DNM2: variants seen among roughly 807,000 people sequenced by gnomAD.
DNM2 encodes dynamin-2.
A neutral mutation model predicts 99.0 loss-of-function variants in DNM2; 15 were observed. The ratio of observed to expected loss-of-function variants is 0.15; its 90% CI spans 0.10 to 0.23. The LOEUF is 0.23. Among genes scored for constraint, DNM2 ranks in the 10% least tolerant of loss-of-function variants. The probability of loss-of-function intolerance (pLI) is 1.00; values close to 1 mark genes in which losing one functional copy is unlikely to be tolerated. For synonymous variants in DNM2, 525 were observed against 481.2 expected (o/e 1.09, Z -1.19); for missense variants, 742 against 1,189.4 (o/e 0.62, Z 5.53).
intron 1 of DNM2, among the ~76,000 whole-genome samples, chr19:10,719,067 C>T (rs1175117697): frequency 6.6e-6 from 1 of 152,136 alleles, no homozygotes; most frequent in Non-Finnish European, 1.5e-5. Context: ...GGCTAGCTGA[C>T]TCCTAGGGGA....
chr19:10,771,614 G>A (rs1008487707), intron 2 of DNM2, among the ~76,000 whole-genome samples: 6 of 152,154 alleles, frequency 3.9e-5, no homozygotes, highest in Non-Finnish European at 7.3e-5. Context: ...GAGCTGGAAT[G>A]TGCTGGTGGA....
chr19:10,740,634 T>C (rs1188638585), intron 1 of DNM2, among the ~76,000 whole-genome samples: 2 of 152,160 alleles, frequency 1.3e-5, no homozygotes, highest in Admixed American at 6.5e-5. Flanking sequence ...CCTCGGCCTC[T>C]TAAAAGTGTG....
At chr19:10,781,276 G>A (rs2071360810) in intron 5 of DNM2, 2 of 152,210 alleles carry the variant, frequency 1.3e-5, no homozygotes, top group Admixed American at 1.3e-4. Context: ...CACAGGTGAT[G>A]GTGACTCTGG....
At chr19:10,719,155 TTCTG>T (rs1314540963) in intron 1 of DNM2, among the ~76,000 whole-genome samples, 1 of 151,968 alleles carries the variant, frequency 6.6e-6, no homozygotes, top group Non-Finnish European at 1.5e-5. Context: ...GTGTGAATTC[TTCTG>T]TCTGTCTGGC....
In DNM2 at chr19:10,786,597, G is replaced by T; in HGVS notation, c.883G>T (p.Ala295Ser). 1 of 1,614,124 alleles carries T rather than the reference G, an allele frequency of 6.2e-7. No individual in the cohort carries two copies. Among genetic ancestry groups the T allele is most frequent in the Non-Finnish European group, 8.5e-7 (1 of 1,180,030 alleles). ...CAACCACATCCGGGAGTCGCTGCCG[G>T]CCCTACGTAGCAAACTACAGAGCCA... ...LTNHIRESLP[A>S]LRSKLQSQLL... The change falls in exon 7 of 21, where the codon GCC becomes TCC. Residue 295 changes from alanine to serine, a missense_variant. Coordinates refer to ENST00000389253, the MANE Select transcript of DNM2 (RefSeq NM_001005361.3).
intron 1 of DNM2, among the ~76,000 whole-genome samples, chr19:10,731,110 G>A (rs2069298591): frequency 6.6e-6 from 1 of 152,134 alleles, no homozygotes; most frequent in South Asian, 2.1e-4. Context: ...CCCAGCCAGG[G>A]TGACCCTGCC....
intron 1 of DNM2, among the ~76,000 whole-genome samples, chr19:10,720,037 G>C (rs1316569094): frequency 6.6e-6 from 1 of 150,458 alleles, no homozygotes; most frequent in African/African-American, 2.5e-5. Context: ...CTGGACTGTG[G>C]TGTGGGCCCC....
chr19:10,784,600 T>C (rs1049673785), intron 6 of DNM2, among the ~76,000 whole-genome samples: 2 of 152,024 alleles, frequency 1.3e-5, no homozygotes, highest in Admixed American at 1.3e-4. Context: ...TTAAGTGCCC[T>C]AGTATCCTGT....
chr19:10,760,827 A>ATCTTTTTTTTTTTTT (rs1663854487), intron 2 of DNM2, among the ~76,000 whole-genome samples: 1 of 41,260 alleles, frequency 2.4e-5, no homozygotes, highest in Non-Finnish European at 4.1e-5. Flanking sequence ...CACCCAGCTG[A>ATCTTTTTTTTTTTTT]TTTTTTTTTT....
At position 10,795,243 on chromosome 19, in the gene DNM2, AT is replaced by A. The variant is rs2063882348; in HGVS notation, c.1129-125del. 2 of 884,730 alleles carry A rather than the reference AT, an allele frequency of 2.3e-6. No homozygotes were observed. Among genetic ancestry groups the A allele is most frequent in the Non-Finnish European group, 1.8e-6 (1 of 541,758 alleles). The allele number at this position is 884,730 out of a possible 1,614,324, so 54.8% of individuals were successfully genotyped here. A position where few individuals can be genotyped will look rare whatever the true frequency, so the allele number is the denominator to read the frequency against. ...GCCAGTTTTCAATTTTTTAAATAAA[AT>A]TTTGACGAGTTAAATATTCTGCCTT... On this transcript the variant is annotated intron_variant, in intron 8 of 20. Coordinates refer to ENST00000389253, the MANE Select transcript of DNM2 (RefSeq NM_001005361.3). This position sits in a 1 kb window ranked among gnomAD's most constrained non-coding sequence, Gnocchi z 4.2.
chr19:10,813,885 G>A (rs1290474089), intron 15 of DNM2, among the ~76,000 whole-genome samples: 1 of 152,010 alleles, frequency 6.6e-6, no homozygotes, highest in Non-Finnish European at 1.5e-5. Flanking sequence ...ATTGTTGGCT[G>A]GGCACAGTGG....
At chr19:10,815,868 C>A (rs2072720443) in intron 15 of DNM2, among the ~76,000 whole-genome samples, 1 of 152,152 alleles carries the variant, frequency 6.6e-6, no homozygotes, top group African/African-American at 2.4e-5. Context: ...GCTTGGAAGT[C>A]CCAGACTTAG....
rs976232010 is a variant in DNM2, at chr19:10,775,571, G to T, written c.386-132G>T. 1.0e-6 allele frequency: 1 copy of T among 968,410 alleles called. No individual in the cohort carries two copies. The highest frequency in any genetic ancestry group is 1.7e-5 in the Admixed American group (1 of 59,188). The allele number at this position is 968,410 out of a possible 1,614,324, so 60.0% of individuals were successfully genotyped here. The stretch of plus-strand genomic sequence containing the variant: ...TTACTGGATCAAAGGTGTGGTTCAG[G>T]CAGAGTGTCAGGCGACATCCTCAAG... On this transcript the variant is annotated intron_variant, in intron 3 of 20. Coordinates refer to ENST00000389253, the MANE Select transcript of DNM2 (RefSeq NM_001005361.3). The surrounding 1 kb of genome is among the most constrained non-coding windows in gnomAD (Gnocchi z 4.3).
chr19:10,725,707 G>A (rs949166948), intron 1 of DNM2, among the ~76,000 whole-genome samples: 1 of 152,132 alleles, frequency 6.6e-6, no homozygotes, highest in Non-Finnish European at 1.5e-5. Flanking sequence ...GGCAGCATTT[G>A]TGATCTCGTT....
chr19:10,755,718 C>G (rs975504023), intron 1 of DNM2, among the ~76,000 whole-genome samples: 1 of 151,750 alleles, frequency 6.6e-6, no homozygotes, highest in Non-Finnish European at 1.5e-5. Flanking sequence ...GGCTGGAGTG[C>G]AGTGATGCGA....
chr19:10,785,113 C>T (rs988525565), intron 6 of DNM2, among the ~76,000 whole-genome samples: 1 of 151,446 alleles, frequency 6.6e-6, no homozygotes. Context: ...CCACTGTACC[C>T]ATCCCGGCCT....
chr19:10,800,704 C>T (rs891152657), intron 11 of DNM2, among the ~76,000 whole-genome samples: 1 of 152,248 alleles, frequency 6.6e-6, no homozygotes, highest in Admixed American at 6.5e-5. Context: ...ACGCGCATCC[C>T]AGCGCCTCCT....
chr19:10,803,105 G>T (rs1189126516), intron 12 of DNM2, among the ~76,000 whole-genome samples: 1 of 152,174 alleles, frequency 6.6e-6, no homozygotes, highest in African/African-American at 2.4e-5. Context: ...GCAGGGAACC[G>T]ATGGGGACCC....
chr19:10,734,741 G>A (rs139813320), intron 1 of DNM2, among the ~76,000 whole-genome samples: 124 of 148,034 alleles, frequency 8.4e-4, no homozygotes, highest in African/African-American at 3.0e-3. Context: ...TTTTTATCGA[G>A]ATGGGGGTCT....
Sources: allele counts gnomAD v4.1 joint callset (sites outside exome capture counted in the v4.1 genomes callset), GRCh38; gene constraint gnomAD v4.1.1; non-coding constraint Gnocchi (gnomAD v3.1); transcripts MANE v1.5; gene names NCBI Gene and HGNC (gene_info 2026-07-23, HGNC 2026-07-21).